RGS7: variants seen among roughly 807,000 people sequenced by gnomAD.
RGS7 encodes regulator of G protein signaling 7.
A neutral mutation model predicts 81.1 loss-of-function variants in RGS7; 27 were observed. The ratio of observed to expected loss-of-function variants is 0.33; its 90% CI spans 0.25 to 0.46. The LOEUF is 0.46. Among genes scored for constraint, RGS7 ranks in the 20% least tolerant of loss-of-function variants. The pLI is 1.00. For synonymous variants in RGS7, 208 were observed against 207.7 expected (o/e 1.00, Z -0.01); for missense variants, 396 against 607.4 (o/e 0.65, Z 3.66).
chr1:240,936,303 G>A (rs755392538), intron 5 of RGS7, among the ~76,000 whole-genome samples: 12 of 152,130 alleles, frequency 7.9e-5, no homozygotes, highest in Non-Finnish European at 1.3e-4. Flanking sequence ...AAGACTCTCC[G>A]GTCCTTCCGA....
At chr1:241,023,212 A>G (rs1010608629) in intron 3 of RGS7, among the ~76,000 whole-genome samples, 2 of 152,070 alleles carry the variant, frequency 1.3e-5, no homozygotes, top group African/African-American at 2.4e-5. Context: ...CAGCCTTAAC[A>G]TTTTCCTCAG....
intron 2 of RGS7, among the ~76,000 whole-genome samples, chr1:241,191,514 A>G (rs12022485): frequency 0.076 from 11,624 of 152,224 alleles, 644 homozygotes; most frequent in East Asian, 0.27. Context: ...CTATGTGCTA[A>G]TATTTTGTTA....
intron 4 of RGS7, among the ~76,000 whole-genome samples, chr1:240,961,847 T>G (rs1681493615): frequency 6.6e-6 from 1 of 151,792 alleles, no homozygotes; most frequent in Admixed American, 6.6e-5. Context: ...TGTCCAAAAC[T>G]TTTCACTTTA....
At chr1:240,805,156 C>T (rs1185202604) in intron 15 of RGS7, among the ~76,000 whole-genome samples, 1 of 151,958 alleles carries the variant, frequency 6.6e-6, no homozygotes, top group Non-Finnish European at 1.5e-5. Flanking sequence ...GGGAGGATTG[C>T]TTGAGCCCAG....
At chr1:241,110,383 G>C (rs1371475864) in intron 2 of RGS7, among the ~76,000 whole-genome samples, 1 of 151,980 alleles carries the variant, frequency 6.6e-6, no homozygotes, top group East Asian at 1.9e-4. Context: ...TTCTATTCTA[G>C]CTTCTGGAAT....
intron 6 of RGS7, among the ~76,000 whole-genome samples, chr1:240,929,720 A>G (rs1472435554): frequency 6.6e-6 from 1 of 152,152 alleles, no homozygotes; most frequent in Non-Finnish European, 1.5e-5. Context: ...CTCTACCTCA[A>G]ACGCTTGCCC....
chr1:241,240,318 T>C (rs959211130), intron 2 of RGS7, among the ~76,000 whole-genome samples: 2 of 152,186 alleles, frequency 1.3e-5, no homozygotes, highest in African/African-American at 4.8e-5. Context: ...TCCTGCAGTC[T>C]AGGCACCCTG....
rs567721734 is a variant in RGS7 at position 241,244,548 on chromosome 1, C to T, written c.78+111151G>A. On this transcript the variant is annotated intron_variant, in intron 2 of 18. Coordinates refer to ENST00000440928, the MANE Select transcript of RGS7 (RefSeq NM_001364886.1). ...TCAACCATTGTGGAAGTCAGTGTGG[C>T]GATTCCTCAAGGATCTAGAACTAGA... Among the ~76,000 whole-genome samples, 198 of 152,228 alleles carry T rather than the reference C, an allele frequency of 1.3e-3. 1 individual carries two copies. The highest frequency in any genetic ancestry group is 6.8e-3 in the Middle Eastern group (2 of 294).
chr1:240,842,215 T>TC (rs1252034079), intron 9 of RGS7, among the ~76,000 whole-genome samples: 1 of 139,548 alleles, frequency 7.2e-6, no homozygotes, highest in African/African-American at 2.6e-5. Flanking sequence ...TTTTTTTTTT[T>TC]TGAGACAGAG....
rs190241152 is a variant in RGS7 at position 240,839,369 on chromosome 1, G to A, written c.610-12197C>T. 2.3e-3 allele frequency among the ~76,000 whole-genome samples: 348 copies of A among 152,170 alleles called. 3 individuals are homozygous for A. The highest frequency in any genetic ancestry group is 8.0e-3 in the African/African-American group (330 of 41,502). On this transcript the variant is annotated intron_variant, in intron 9 of 18. Transcript: ENST00000440928. Reference sequence around the variant, plus strand: ...GTGTGAGAGTTTAAACAGCTACTTCGGTTAAGACTTTTTGAGTTTATTTCT... The same window carrying A: ...GTGTGAGAGTTTAAACAGCTACTTCAGTTAAGACTTTTTGAGTTTATTTCT...
In RGS7 at chr1:240,868,617, C is replaced by G; in HGVS notation, c.579G>C (p.Glu193Asp). The change falls in exon 9 of 19, where the codon GAG (glutamate) becomes GAC (aspartate). Residue 193 changes from glutamate (E) to aspartate (D), a missense_variant. Coordinates refer to ENST00000440928, the MANE Select transcript of RGS7 (RefSeq NM_001364886.1). The surrounding 1 kb of genome is among the most constrained non-coding windows in gnomAD (Gnocchi z 5.1). ...KIERKILDSQ[E>D]RAFWDVHRPV... ...GCCTGTGCACGTCCCAGAACGCTCT[C>G]TCTTGGCTGTCAAGGATCTTCCTTT... 6.2e-7 allele frequency: 1 copy of G among 1,614,190 alleles called. No individual in the cohort carries two copies. Among genetic ancestry groups the G allele is most frequent in the Non-Finnish European group, 8.5e-7 (1 of 1,180,040 alleles).
chr1:241,161,770 T>C (rs1389630970), intron 2 of RGS7, among the ~76,000 whole-genome samples: 1 of 147,662 alleles, frequency 6.8e-6, no homozygotes, highest in South Asian at 2.2e-4. Flanking sequence ...CAGGCTGGAG[T>C]GCAATGGCAC....
At position 240,808,184 on chromosome 1, in the gene RGS7, A is replaced by C. The variant is rs1689219361; in HGVS notation, c.1083-1858T>G. 2.0e-5 allele frequency among the ~76,000 whole-genome samples: 3 copies of C among 152,224 alleles called. No homozygotes were observed. In the South Asian group the frequency reaches 6.2e-4, roughly 32 times the overall value. On this transcript the variant is annotated intron_variant, in intron 14 of 18. Transcript: ENST00000440928. ...GTCCTCAAAGAATGAGTAGAGAAAA[A>C]GATAAACCATTTAATTGGCCGTAAC...
chr1:240,814,406 A>C (rs184215533), intron 12 of RGS7, among the ~76,000 whole-genome samples: 11 of 152,352 alleles, frequency 7.2e-5, no homozygotes, highest in Non-Finnish European at 1.3e-4. Context: ...AATAAATGGA[A>C]AGTTTCATGT....
chr1:241,320,762 C>T (rs2081160572), intron 2 of RGS7, among the ~76,000 whole-genome samples: 1 of 152,276 alleles, frequency 6.6e-6, no homozygotes, highest in Middle Eastern at 3.4e-3. Flanking sequence ...TCCACAGTTG[C>T]AGTAGTGTTA....
intron 9 of RGS7, among the ~76,000 whole-genome samples, chr1:240,850,614 G>A (rs1467402995): frequency 6.6e-6 from 1 of 152,140 alleles, no homozygotes; most frequent in Admixed American, 6.5e-5. Flanking sequence ...CAAAAAACTA[G>A]AAAATATTAA....
At chr1:241,344,341 A>C (rs945810039) in intron 2 of RGS7, among the ~76,000 whole-genome samples, 4 of 152,256 alleles carry the variant, frequency 2.6e-5, no homozygotes, top group Non-Finnish European at 5.9e-5. Flanking sequence ...AAGGTAAAGA[A>C]AATTTTTAAA....
intron 9 of RGS7, among the ~76,000 whole-genome samples, chr1:240,861,518 T>TAGAAGTTGG (rs939863903): frequency 1.3e-5 from 2 of 152,192 alleles, no homozygotes; most frequent in Non-Finnish European, 2.9e-5. Flanking sequence ...TTTGCATCAT[T>TAGAAGTTGG]AGAAGTTGGC....
intron 2 of RGS7, among the ~76,000 whole-genome samples, chr1:241,216,420 G>A (rs920086305): frequency 6.6e-6 from 1 of 152,162 alleles, no homozygotes. Flanking sequence ...CAGTGTTCAT[G>A]GCGTGACTGT....
Sources: allele counts gnomAD v4.1 joint callset (sites outside exome capture counted in the v4.1 genomes callset), GRCh38; gene constraint gnomAD v4.1.1; non-coding constraint Gnocchi (gnomAD v3.1); transcripts MANE v1.5; gene names NCBI Gene and HGNC (gene_info 2026-07-23, HGNC 2026-07-21).